The following FAF2 variants were observed in gnomAD, a reference collection of about 807,000 sequenced individuals.
FAF2 encodes the protein FAS-associated factor 2.
FAF2 carries 9 observed loss-of-function variants against 62.3 expected under a neutral mutation model. The ratio of observed to expected loss-of-function variants is 0.14; its 90% CI spans 0.09 to 0.25. The LOEUF (loss-of-function observed/expected upper bound fraction) is 0.25. Ranked by LOEUF, FAF2 falls within the 10% of genes least tolerant of loss-of-function variation. The pLI, the probability that FAF2 is intolerant of heterozygous loss-of-function variation, is 1.00. For missense variants in FAF2, 368 were observed against 556.2 expected (o/e 0.66, Z 3.40); for synonymous variants, 202 against 198.0 (o/e 1.02, Z -0.17).
chr5:176,494,943 A>G lies in FAF2; in HGVS notation c.661+668A>G, dbSNP rs1759037279. On this transcript the variant is annotated intron_variant, in intron 7 of 10. Coordinates refer to ENST00000261942, the MANE Select transcript of FAF2 (RefSeq NM_014613.3). This position sits in a 1 kb window ranked among gnomAD's most constrained non-coding sequence, Gnocchi z 4.0. The stretch of plus-strand genomic sequence containing the variant: ...CAAAGCCTGCCACATTCATAGAAAT[A>G]CCCAGTCTTGGCTAGCAGCTTGCTT... Among the ~76,000 whole-genome samples the G allele has an allele frequency of 6.6e-6, 1 of 152,156 alleles. No individual in the cohort carries two copies. The highest frequency in any genetic ancestry group is 2.4e-5 in the African/African-American group (1 of 41,424).
intron 1 of FAF2, among the ~76,000 whole-genome samples, chr5:176,468,623 G>C (rs978983084): frequency 1.3e-5 from 2 of 151,884 alleles, no homozygotes; most frequent in South Asian, 2.1e-4. Context: ...CTCCTCAAAA[G>C]AAAGTTCCTT....
chr5:176,477,582 T>G (rs1758725801), intron 1 of FAF2, among the ~76,000 whole-genome samples: 1 of 152,182 alleles, frequency 6.6e-6, no homozygotes, highest in African/African-American at 2.4e-5. Context: ...AGCCAGTGGT[T>G]CTTAAAGGAA....
At chr5:176,463,436 C>G (rs1031367219) in intron 1 of FAF2, among the ~76,000 whole-genome samples, 2 of 151,370 alleles carry the variant, frequency 1.3e-5, no homozygotes, top group Admixed American at 1.3e-4. Flanking sequence ...CCCCCAAAAT[C>G]TAATTGTATT....
intron 1 of FAF2, among the ~76,000 whole-genome samples, chr5:176,451,855 T>TATATAC (rs1561813533): frequency 2.6e-5 from 1 of 38,954 alleles, no homozygotes; most frequent in African/African-American, 1.1e-4. Context: ...CACATATATA[T>TATATAC]ACACATATAT....
At chr5:176,477,957 A>G (rs2113731901) in intron 1 of FAF2, among the ~76,000 whole-genome samples, 1 of 152,330 alleles carries the variant, frequency 6.6e-6, no homozygotes, top group East Asian at 1.9e-4. Flanking sequence ...GATAGAGACT[A>G]CATCTTATTC....
At chr5:176,472,209 C>G (rs1456252889) in intron 1 of FAF2, among the ~76,000 whole-genome samples, 1 of 151,838 alleles carries the variant, frequency 6.6e-6, no homozygotes, top group Non-Finnish European at 1.5e-5. Context: ...CAGCTCACTG[C>G]TTTCTCAGCT....
At chr5:176,463,886 C>T (rs1758422420) in intron 1 of FAF2, among the ~76,000 whole-genome samples, 1 of 151,996 alleles carries the variant, frequency 6.6e-6, no homozygotes, top group African/African-American at 2.4e-5. Flanking sequence ...CTCACCACCA[C>T]ACCTGGCTAA....
intron 10 of FAF2, among the ~76,000 whole-genome samples, chr5:176,501,641 C>A (rs943685810): frequency 1.3e-5 from 2 of 152,204 alleles, no homozygotes; most frequent in African/African-American, 4.8e-5. Context: ...ACTCAGAGAA[C>A]TAATACAGAA....
rs190963068 is a variant in FAF2 at position 176,479,669 on chromosome 5, T to C, written c.132+413T>C. 2.0e-5 allele frequency among the ~76,000 whole-genome samples: 3 copies of C among 152,216 alleles called. No individual in the cohort carries two copies. In the East Asian group the frequency reaches 5.8e-4, roughly 29 times the overall value. ...TTAAAACACTGTCAGTTGATAATGG[T>C]AATAGCATTTTGTCCTCACTATAAT... On this transcript the variant is annotated intron_variant, in intron 2 of 10. Coordinates refer to ENST00000261942, the MANE Select transcript of FAF2 (RefSeq NM_014613.3).
intron 10 of FAF2, 145 bp downstream of exon 10, chr5:176,500,291 A>C (rs1755572107): frequency 3.8e-6 from 3 of 796,826 alleles, no homozygotes; most frequent in Non-Finnish European, 6.0e-6. Flanking sequence ...TGGGTATGCC[A>C]TCCGTGGACA....
chr5:176,485,429 C>T (rs971102107), intron 2 of FAF2, among the ~76,000 whole-genome samples: 39 of 152,206 alleles, frequency 2.6e-4, no homozygotes. Context: ...GTTGCAGCTG[C>T]AACCTAAAAT....
chr5:176,451,839 TATAC>T (rs370752043), intron 1 of FAF2, among the ~76,000 whole-genome samples: 1,789 of 22,078 alleles, frequency 0.081, 218 homozygotes, highest in African/African-American at 0.19. Flanking sequence ...CATATATATA[TATAC>T]ACACATATAT....
At chr5:176,495,981 T>A (rs1020671627) in intron 7 of FAF2, among the ~76,000 whole-genome samples, 1 of 152,152 alleles carries the variant, frequency 6.6e-6, no homozygotes, top group Non-Finnish European at 1.5e-5. Context: ...TTGTGCCCTT[T>A]TAGGTTTGAG....
intron 1 of FAF2, among the ~76,000 whole-genome samples, chr5:176,474,542 T>G (rs1469504484): frequency 6.6e-6 from 1 of 152,200 alleles, no homozygotes; most frequent in African/African-American, 2.4e-5. Context: ...GCCTCTGATC[T>G]CTTAAATGAT....
intron 1 of FAF2, among the ~76,000 whole-genome samples, chr5:176,449,624 C>T (rs1758130897): frequency 6.6e-6 from 1 of 151,864 alleles, no homozygotes; most frequent in Admixed American, 6.6e-5. Context: ...ATCAAATGGA[C>T]ATATGGATGT....
At chr5:176,477,264 T>A (rs1465691951) in intron 1 of FAF2, among the ~76,000 whole-genome samples, 2 of 88,806 alleles carry the variant, frequency 2.3e-5, no homozygotes, top group African/African-American at 4.6e-5. Context: ...TTTTTTTTTT[T>A]AAGTAGAGGT....
At chr5:176,496,397 C>A in intron 7 of FAF2, 89 bp from the exon 8 acceptor site, 1 of 1,044,918 alleles carries the variant, frequency 9.6e-7, no homozygotes. Flanking sequence ...AGGATTAAAA[C>A]AGTTCTCTCT....
At chr5:176,483,993 G>A (rs1758829751) in intron 2 of FAF2, among the ~76,000 whole-genome samples, 1 of 151,968 alleles carries the variant, frequency 6.6e-6, no homozygotes, top group Admixed American at 6.6e-5. Context: ...AGAATTGCTT[G>A]AACCTGGGAG....
chr5:176,468,043 C>G (rs1310746203), intron 1 of FAF2, among the ~76,000 whole-genome samples: 1 of 152,082 alleles, frequency 6.6e-6, no homozygotes, highest in Non-Finnish European at 1.5e-5. Context: ...TGGGCACTTA[C>G]AATCCCAGCT....
Sources: gnomAD v4.1 joint callset for allele counts (sites outside exome capture counted in the v4.1 genomes callset) on GRCh38, gnomAD v4.1.1 for gene constraint, Gnocchi (gnomAD v3.1) non-coding constraint, MANE v1.5 for transcripts, NCBI Gene and HGNC (gene_info 2026-07-23, HGNC 2026-07-21) for gene names.